Variants in N4BP2 observed in about 807,000 individuals in gnomAD.
N4BP2 encodes NEDD4-binding protein 2.
N4BP2 carries 91 observed loss-of-function variants against 152.8 expected under a neutral mutation model. That is an observed-to-expected ratio of 0.60 (90% CI 0.50 to 0.71). The LOEUF (loss-of-function observed/expected upper bound fraction) is 0.71. N4BP2 is among the 30% of genes least tolerant of loss of function. The pLI is 0.00. For synonymous variants in N4BP2, 646 were observed against 705.3 expected, an observed-to-expected ratio of 0.92 and a Z score of 1.33; for missense variants, 1,923 against 2,059.1, an observed-to-expected ratio of 0.93 and a Z score of 1.28.
chr4:40,070,827 T>C (rs1357471294), intron 1 of N4BP2, among the ~76,000 whole-genome samples: 1 of 151,900 alleles, frequency 6.6e-6, no homozygotes, highest in Non-Finnish European at 1.5e-5. Context: ...TGTTTTTTTT[T>C]CTTCTTTTTT....
intron 14 of N4BP2, among the ~76,000 whole-genome samples, chr4:40,139,270 T>C (rs1719683064): frequency 1.3e-5 from 2 of 152,178 alleles, no homozygotes; most frequent in Non-Finnish European, 2.9e-5. Context: ...ATATTACTTT[T>C]AAATTAAAAA....
At chr4:40,183,563 T>C in the N4BP2 span, among the ~76,000 whole-genome samples, 4 of 152,140 alleles carry the variant, frequency 2.6e-5, no homozygotes, top group Non-Finnish European at 5.9e-5. Context: ...GTCTCGACCT[T>C]CTGACCTCGT....
chr4:40,147,463 G>T (rs542774239), intron 16 of N4BP2, among the ~76,000 whole-genome samples: 1 of 151,252 alleles, frequency 6.6e-6, no homozygotes, highest in South Asian at 2.1e-4. Context: ...CGGGCAGAGG[G>T]GCTCCTCACT....
intron 1 of N4BP2, among the ~76,000 whole-genome samples, chr4:40,061,810 A>G (rs1199358316): frequency 6.6e-6 from 1 of 150,850 alleles, no homozygotes; most frequent in Non-Finnish European, 1.5e-5. Context: ...GATTACAGGC[A>G]CCTGCCACCA....
intron 1 of N4BP2, among the ~76,000 whole-genome samples, chr4:40,059,963 A>G (rs372570271): frequency 6.6e-6 from 1 of 151,860 alleles, no homozygotes; most frequent in African/African-American, 2.4e-5. Flanking sequence ...GTTTCAGTCA[A>G]ACTTAGATCT....
chr4:40,102,937 T>A lies in N4BP2; in HGVS notation c.1092T>A (p.Asn364Lys). The change falls in exon 4 of 18, where the codon AAT (asparagine) becomes AAA (lysine). Residue 364 changes from asparagine to lysine, a missense_variant. Transcript: ENST00000261435. Reference protein sequence around the residue: ...LPPPPPPPMWNPMIPAFDLFQ... With the variant: ...LPPPPPPPMWKPMIPAFDLFQ... ...CTCCGCCACCTCCACCGATGTGGAATCCAATGATTCCTGCTTTTGACCTCT... is the reference window on the plus strand; with the variant it reads ...CTCCGCCACCTCCACCGATGTGGAAACCAATGATTCCTGCTTTTGACCTCT... The A allele has an allele frequency of 6.2e-7, 1 of 1,614,224 alleles. No homozygotes were observed. Among genetic ancestry groups the A allele is most frequent in the Non-Finnish European group, 8.5e-7 (1 of 1,180,038 alleles).
rs143096533 is a variant in N4BP2 at position 40,154,503 on chromosome 4, T to C, written c.*266T>C. Reference sequence around the variant, plus strand: ...AAAATTATCAGCTACAGTTTTAAAGTTTAAAATGCTCTGATTGTTTCTCAG... The same window carrying C: ...AAAATTATCAGCTACAGTTTTAAAGCTTAAAATGCTCTGATTGTTTCTCAG... On this transcript the variant is annotated 3_prime_UTR_variant, in exon 18 of 18. Transcript: ENST00000261435. 1.2e-3 allele frequency: 429 copies of C among 343,282 alleles called. 1 individual carries two copies. Among genetic ancestry groups the C allele is most frequent in the African/African-American group, 8.4e-3 (386 of 45,784 alleles). 21.3% of individuals were successfully genotyped at this position (343,282 alleles called of 1,614,324 possible). A position where few individuals can be genotyped will look rare whatever the true frequency, so the allele number is the denominator to read the frequency against.
At chr4:40,083,086 T>C in intron 2 of N4BP2, 1 of 182,830 alleles carries the variant, frequency 5.5e-6, no homozygotes, top group Non-Finnish European at 1.2e-5. Flanking sequence ...GTGCCTGTTC[T>C]GTATTATGAA....
rs34819122 is a variant in N4BP2, at chr4:40,092,645, CTT to C, written c.-114-4567_-114-4566del. On this transcript the variant is annotated intron_variant, in intron 2 of 17. Coordinates refer to ENST00000261435, the MANE Select transcript of N4BP2 (RefSeq NM_018177.6). ...TTTGTTATCTGCTATTTATTATTTC[CTT>C]TTTTTTTTTTTTTTGAGACAGAGTC... Among the ~76,000 whole-genome samples the C allele has an allele frequency of 1.1e-3, 134 of 120,438 alleles. No homozygotes were observed. In the Middle Eastern group the frequency reaches 0.012, roughly 11 times the overall value. The allele number at this position is 120,438 out of a possible 152,430, so 79.0% of individuals were successfully genotyped here. A position where few individuals can be genotyped will look rare whatever the true frequency, so the allele number is the denominator to read the frequency against.
chr4:40,076,884 G>A (rs1364870132), intron 2 of N4BP2, among the ~76,000 whole-genome samples: 2 of 152,076 alleles, frequency 1.3e-5, no homozygotes, highest in Non-Finnish European at 2.9e-5. Context: ...TCATCTTGTA[G>A]GTAACTTAAT....
chr4:40,063,213 T>A (rs1733795228), intron 1 of N4BP2, among the ~76,000 whole-genome samples: 1 of 152,168 alleles, frequency 6.6e-6, no homozygotes, highest in African/African-American at 2.4e-5. Flanking sequence ...GAAATACAGC[T>A]TGAAGTAGCC....
chr4:40,134,151 A>T (rs763974608), intron 13 of N4BP2, among the ~76,000 whole-genome samples: 10 of 152,190 alleles, frequency 6.6e-5, no homozygotes, highest in Non-Finnish European at 1.3e-4. Context: ...GAGTGTGCAG[A>T]GTTCTAAATA....
At chr4:40,084,966 G>A (rs1459837526) in intron 2 of N4BP2, among the ~76,000 whole-genome samples, 1 of 138,096 alleles carries the variant, frequency 7.2e-6, no homozygotes, top group East Asian at 2.1e-4. Flanking sequence ...AGGCTAGAAT[G>A]CAGTGGTGCG....
In N4BP2 at chr4:40,112,070, G is replaced by A. The variant is rs1579053595; in HGVS notation, c.1499-14G>A. ...TGTTTAAAAAATGATTTTTAATTAT[G>A]TTATGTTTTTCAGCAAAAGAAGCAT... On this transcript the variant is annotated splice_polypyrimidine_tract_variant and intron_variant, in intron 5 of 17. Transcript: ENST00000261435. 1 of 1,306,188 alleles carries A rather than the reference G, an allele frequency of 7.7e-7. No homozygotes were observed. The highest frequency in any genetic ancestry group is 2.4e-5 in the East Asian group (1 of 42,468). 80.9% of individuals were successfully genotyped at this position (1,306,188 alleles called of 1,614,324 possible). A position where few individuals can be genotyped will look rare whatever the true frequency, so the allele number is the denominator to read the frequency against.
rs1579102749 is a variant in N4BP2, at chr4:40,131,830, T to C, written c.4557T>C (p.Asp1519=). Reference sequence around the variant, plus strand: ...GGGAGACCCTTATGTTTGAAAAAGATTGTGCCACTAAACTAAAGGAGAAGC... The same window carrying C: ...GGGAGACCCTTATGTTTGAAAAAGACTGTGCCACTAAACTAAAGGAGAAGC... ...LKRETLMFEK[D]CATKLKEKQL... is the part of the protein sequence containing the mutation. Residue 1519 remains aspartate, a synonymous_variant, in exon 13 of 18, where the codon GAT becomes GAC. Coordinates refer to ENST00000261435, the MANE Select transcript of N4BP2 (RefSeq NM_018177.6). 1.9e-6 allele frequency: 3 copies of C among 1,613,502 alleles called. No homozygotes were observed. The highest frequency in any genetic ancestry group is 2.5e-6 in the Non-Finnish European group (3 of 1,179,664).
At chr4:40,058,257 A>T (rs1733380976) in intron 1 of N4BP2, among the ~76,000 whole-genome samples, 1 of 152,164 alleles carries the variant, frequency 6.6e-6, no homozygotes, top group East Asian at 1.9e-4. Flanking sequence ...TCATCCTTTA[A>T]TTTTAACTAA....
At chr4:40,072,285 C>T (rs1335956272) in intron 1 of N4BP2, among the ~76,000 whole-genome samples, 2 of 133,112 alleles carry the variant, frequency 1.5e-5, no homozygotes, top group Admixed American at 8.4e-5. Flanking sequence ...CTCACTTTGT[C>T]GCCAGGCTGG....
At chr4:40,079,563 C>T (rs1371371997) in intron 2 of N4BP2, among the ~76,000 whole-genome samples, 4 of 151,252 alleles carry the variant, frequency 2.6e-5, no homozygotes, top group Admixed American at 6.6e-5. Flanking sequence ...TTTGTTCATT[C>T]TATTACTATT....
chr4:40,082,309 T>C (rs1233835429), intron 2 of N4BP2, among the ~76,000 whole-genome samples: 1 of 142,382 alleles, frequency 7.0e-6, no homozygotes, highest in Non-Finnish European at 1.5e-5. Context: ...ATTCAAAACA[T>C]AGTCTTTTTA....
Sources: allele counts gnomAD v4.1 joint callset (sites outside exome capture counted in the v4.1 genomes callset), GRCh38; gene constraint gnomAD v4.1.1; transcripts MANE v1.5; gene names NCBI Gene and HGNC (gene_info 2026-07-23, HGNC 2026-07-21).